Variants in PKHD1 observed in about 807,000 individuals in gnomAD.
The protein encoded by PKHD1 is PKHD1 ciliary IPT domain containing fibrocystin/polyductin.
PKHD1 carries 291 observed loss-of-function variants against 412.0 expected under a neutral mutation model. The observed-to-expected ratio is 0.71, with a 90% CI of 0.64 to 0.78. The LOEUF (loss-of-function observed/expected upper bound fraction) is 0.78. Ranked by LOEUF, PKHD1 falls within the 30% of genes least tolerant of loss-of-function variation. PKHD1 has a pLI of 0.00. For synonymous variants in PKHD1, 1,777 were observed against 1,821.5 expected (o/e 0.98, Z 0.62); for missense variants, 4,825 against 4,950.7 (o/e 0.97, Z 0.76).
chr6:51,780,254 G>A (rs55633851), intron 53 of PKHD1, among the ~76,000 whole-genome samples: 15,968 of 151,844 alleles, frequency 0.11, 910 homozygotes, highest in East Asian at 0.14. Context: ...GGCGTGGTGC[G>A]ACGCACCTGT....
At chr6:51,722,819 T>C (rs1037342463) in intron 60 of PKHD1, among the ~76,000 whole-genome samples, 91 of 152,252 alleles carry the variant, frequency 6.0e-4, no homozygotes, top group Admixed American at 5.8e-3. Context: ...TCCAAGGTTA[T>C]GTGAAGAGAA....
chr6:51,869,050 G>A (rs1775537834), intron 47 of PKHD1, among the ~76,000 whole-genome samples: 1 of 151,978 alleles, frequency 6.6e-6, no homozygotes, highest in Non-Finnish European at 1.5e-5. Flanking sequence ...TACAAATAGA[G>A]GCTCTAATGT....
In PKHD1 at chr6:51,753,279, G is replaced by A. The variant is rs1786410819; in HGVS notation, c.8872C>T (p.Gln2958Ter). 1 of 1,613,530 alleles carries A rather than the reference G, an allele frequency of 6.2e-7. No individual in the cohort carries two copies. Among genetic ancestry groups the A allele is most frequent in the Non-Finnish European group, 8.5e-7 (1 of 1,179,604 alleles). ...CTACATGATACGTCAGGCTGAATTT[G>A]TATATTTCGGGTCAACAGTCCAACC... Reference protein sequence around the residue: ...AEVGLLTRNIQIQPDVSCRGR... With the variant: ...AEVGLLTRNI The change falls in exon 57 of 67, where the codon CAA becomes TAA. Residue 2958 changes from glutamine (Q) to a stop codon, truncating the protein, a stop_gained. Coordinates refer to ENST00000371117, the MANE Select transcript of PKHD1 (RefSeq NM_138694.4). LOFTEE classifies it high-confidence loss of function.
intron 11 of PKHD1, among the ~76,000 whole-genome samples, chr6:52,067,975 G>T (rs1377214376): frequency 1.3e-5 from 2 of 152,134 alleles, no homozygotes; most frequent in Non-Finnish European, 2.9e-5. Flanking sequence ...TAACACAAGA[G>T]GTGATGGGGT....
At chr6:51,859,220 G>A (rs917395239) in intron 48 of PKHD1, among the ~76,000 whole-genome samples, 2 of 151,820 alleles carry the variant, frequency 1.3e-5, no homozygotes, top group African/African-American at 2.4e-5. Flanking sequence ...TGCATACCAC[G>A]TTGATCATTA....
chr6:51,833,280 A>T (rs980588141), intron 51 of PKHD1, among the ~76,000 whole-genome samples: 1 of 152,294 alleles, frequency 6.6e-6, no homozygotes, highest in East Asian at 1.9e-4. Context: ...TCTTGCTTAT[A>T]AGAGGGCTGA....
intron 60 of PKHD1, among the ~76,000 whole-genome samples, chr6:51,662,304 T>C (rs1772988401): frequency 6.6e-6 from 1 of 151,680 alleles, no homozygotes; most frequent in Non-Finnish European, 1.5e-5. Flanking sequence ...TAATTAAAAT[T>C]TGCTAAGGGG....
chr6:51,805,492 A>G (rs549034296), intron 52 of PKHD1, among the ~76,000 whole-genome samples: 16 of 152,312 alleles, frequency 1.1e-4, no homozygotes, highest in Non-Finnish European at 1.8e-4. Context: ...TAATACTTAC[A>G]TGTAACCAGC....
intron 37 of PKHD1, among the ~76,000 whole-genome samples, chr6:51,920,709 C>T (rs560341879): frequency 3.3e-5 from 5 of 152,308 alleles, no homozygotes; most frequent in Non-Finnish European, 5.9e-5. Flanking sequence ...ATCAGCTGCT[C>T]TTTGTACCTC....
chr6:51,855,796 G>A (rs560167289), intron 49 of PKHD1, 97 bp downstream of exon 49: 14 of 963,654 alleles, frequency 1.5e-5, no homozygotes, highest in Non-Finnish European at 2.4e-5. Flanking sequence ...TTTCAATAAC[G>A]AGATAACCTG....
chr6:51,885,984 A>C lies in PKHD1; in HGVS notation c.7110-12T>G. On this transcript the variant is annotated splice_polypyrimidine_tract_variant and intron_variant, in intron 44 of 66. Transcript: ENST00000371117. Reference sequence around the variant, plus strand: ...CAAAGAGACCATACCTAAAAAGTGAAACAGAATGAAATTAAGCCAATTTTT... The same window carrying C: ...CAAAGAGACCATACCTAAAAAGTGACACAGAATGAAATTAAGCCAATTTTT... 5 of 1,471,684 alleles carry C rather than the reference A, an allele frequency of 3.4e-6. No homozygotes were observed. Among genetic ancestry groups the C allele is most frequent in the Non-Finnish European group, 4.8e-6 (5 of 1,050,594 alleles). 91.2% of individuals were successfully genotyped at this position (1,471,684 alleles called of 1,614,324 possible).
intron 48 of PKHD1, among the ~76,000 whole-genome samples, chr6:51,867,378 T>C (rs1052771259): frequency 2.6e-5 from 4 of 152,054 alleles, no homozygotes; most frequent in African/African-American, 9.7e-5. Context: ...AGGAATCCAA[T>C]AGTTCATGAA....
intron 35 of PKHD1, among the ~76,000 whole-genome samples, chr6:51,961,182 C>A (rs772553634): frequency 5.3e-5 from 8 of 152,152 alleles, no homozygotes; most frequent in Non-Finnish European, 1.0e-4. Context: ...GTTTGTAATA[C>A]CGACAACTAC....
chr6:51,858,808 A>T (rs1025794114), intron 48 of PKHD1, among the ~76,000 whole-genome samples: 6 of 152,222 alleles, frequency 3.9e-5, no homozygotes, highest in Non-Finnish European at 7.3e-5. Context: ...TTATGCAGTA[A>T]CATTTCTCCC....
At chr6:51,735,135 A>C (rs961714805) in intron 60 of PKHD1, among the ~76,000 whole-genome samples, 1 of 152,220 alleles carries the variant, frequency 6.6e-6, no homozygotes, top group Non-Finnish European at 1.5e-5. Context: ...AAATATGTGA[A>C]TGATCCAGTT....
chr6:51,922,887 T>C (rs1198343804), intron 37 of PKHD1, among the ~76,000 whole-genome samples: 1 of 152,170 alleles, frequency 6.6e-6, no homozygotes, highest in Non-Finnish European at 1.5e-5. Context: ...CACAACCCCC[T>C]GCACTTCCCT....
intron 53 of PKHD1, among the ~76,000 whole-genome samples, chr6:51,788,250 G>T (rs1447768921): frequency 6.6e-6 from 1 of 151,928 alleles, no homozygotes; most frequent in East Asian, 1.9e-4. Context: ...GCTGGAAAAA[G>T]AAGTTAGTTT....
At chr6:52,020,996 G>A (rs1801317409) in intron 33 of PKHD1, among the ~76,000 whole-genome samples, 1 of 152,066 alleles carries the variant, frequency 6.6e-6, no homozygotes, top group African/African-American at 2.4e-5. Context: ...ATCCCATCTT[G>A]GATCTTAAGT....
rs369462227 is a variant in PKHD1 at position 51,913,608 on chromosome 6, G to A, written c.6122-1032C>T. Among the ~76,000 whole-genome samples the A allele has an allele frequency of 2.0e-5, 3 of 152,020 alleles. No homozygotes were observed. The East Asian group carries it at 5.8e-4, about 29-fold the overall frequency. ...TGCAATGGATGATAATTTACCTTTA[G>A]CCCGCAGCAAGTTACTGTCCTCCCT... On this transcript the variant is annotated intron_variant, in intron 37 of 66. Transcript: ENST00000371117.
Sources: gnomAD v4.1 joint callset for allele counts (sites outside exome capture counted in the v4.1 genomes callset) on GRCh38, gnomAD v4.1.1 for gene constraint, MANE v1.5 for transcripts, NCBI Gene and HGNC (gene_info 2026-07-23, HGNC 2026-07-21) for gene names.